FBXL17: variants seen among roughly 807,000 people sequenced by gnomAD.
FBXL17 encodes the protein F-box/LRR-repeat protein 17.
A neutral mutation model predicts 66.2 loss-of-function variants in FBXL17; 22 were observed. The ratio of observed to expected loss-of-function variants is 0.33; its 90% CI spans 0.24 to 0.47. The LOEUF is 0.47. Ranked by LOEUF, FBXL17 falls within the 20% of genes least tolerant of loss-of-function variation. The probability of loss-of-function intolerance (pLI) is 1.00; values close to 1 mark genes in which losing one functional copy is unlikely to be tolerated. For synonymous variants in FBXL17, 474 were observed against 400.5 expected, an observed-to-expected ratio of 1.18 and a Z score of -2.19; for missense variants, 878 against 948.2, an observed-to-expected ratio of 0.93 and a Z score of 0.97.
At chr5:108,223,256 G>T (rs183415818) in intron 5 of FBXL17, among the ~76,000 whole-genome samples, 2 of 152,188 alleles carry the variant, frequency 1.3e-5, no homozygotes, top group East Asian at 3.9e-4. Flanking sequence ...AGCTCAAAGA[G>T]ATCTGAAGAC....
intron 7 of FBXL17, among the ~76,000 whole-genome samples, chr5:107,931,429 T>C (rs1285384931): frequency 6.6e-6 from 1 of 151,912 alleles, no homozygotes; most frequent in Non-Finnish European, 1.5e-5. Flanking sequence ...CTGGCTAATT[T>C]TTTTGTATTT....
intron 6 of FBXL17, among the ~76,000 whole-genome samples, chr5:108,149,655 C>A (rs1304698435): frequency 6.6e-6 from 1 of 152,152 alleles, no homozygotes; most frequent in Non-Finnish European, 1.5e-5. Context: ...ACATTACATA[C>A]CAATCTTGGT....
chr5:108,140,025 T>C (rs1234670820), intron 6 of FBXL17, among the ~76,000 whole-genome samples: 1 of 152,150 alleles, frequency 6.6e-6, no homozygotes, highest in African/African-American at 2.4e-5. Context: ...TATTATAATC[T>C]GGGTTTAGTC....
intron 7 of FBXL17, among the ~76,000 whole-genome samples, chr5:107,910,760 G>A (rs1239355498): frequency 1.3e-5 from 2 of 151,922 alleles, no homozygotes; most frequent in Non-Finnish European, 2.9e-5. Context: ...ACAGTAGCAA[G>A]AACCAGTTAG....
intron 7 of FBXL17, among the ~76,000 whole-genome samples, chr5:107,893,541 C>T (rs1749271858): frequency 6.6e-6 from 1 of 152,188 alleles, no homozygotes; most frequent in South Asian, 2.1e-4. Context: ...TGAGAGCTTA[C>T]ATATTATATA....
At chr5:108,132,340 A>C (rs1174557653) in intron 6 of FBXL17, among the ~76,000 whole-genome samples, 1 of 152,224 alleles carries the variant, frequency 6.6e-6, no homozygotes, top group Admixed American at 6.5e-5. Flanking sequence ...AATCAAAATT[A>C]TCTCTTACAG....
At chr5:108,270,536 A>T (rs907076835) in intron 4 of FBXL17, among the ~76,000 whole-genome samples, 7 of 143,600 alleles carry the variant, frequency 4.9e-5, no homozygotes, top group East Asian at 2.0e-4. Flanking sequence ...TTAGGTTAAT[A>T]AAAAAAAAAA....
intron 4 of FBXL17, chr5:108,299,486 T>C (rs1294082308): frequency 2.1e-6 from 2 of 934,690 alleles, no homozygotes; most frequent in Non-Finnish European, 2.6e-6. Flanking sequence ...ATCTAAAAGT[T>C]ATTGAATAAG....
chr5:107,980,664 A>ATATTTTTTTTTTTTTTT, intron 7 of FBXL17, among the ~76,000 whole-genome samples: 2 of 62,104 alleles, frequency 3.2e-5, no homozygotes, highest in Non-Finnish European at 5.5e-5. Flanking sequence ...ATATATATAT[A>ATATTTTTTTTTTTTTTT]TTTTTTTTTT....
chr5:107,864,369 A>T (rs1463441457), intron 8 of FBXL17, among the ~76,000 whole-genome samples: 1 of 152,250 alleles, frequency 6.6e-6, no homozygotes, highest in Non-Finnish European at 1.5e-5. Flanking sequence ...AGCAAGGAAT[A>T]ACTTTTAGAA....
At chr5:108,011,086 G>T (rs551053241) in intron 7 of FBXL17, among the ~76,000 whole-genome samples, 1 of 152,132 alleles carries the variant, frequency 6.6e-6, no homozygotes, top group African/African-American at 2.4e-5. Flanking sequence ...TTATTTTAAT[G>T]TTAAATTTAT....
At chr5:107,926,152 T>C (rs1750517950) in intron 7 of FBXL17, among the ~76,000 whole-genome samples, 1 of 152,174 alleles carries the variant, frequency 6.6e-6, no homozygotes, top group African/African-American at 2.4e-5. Context: ...CCTAAACATA[T>C]CAGGCACTCA....
chr5:108,329,359 T>C (rs935306649), intron 4 of FBXL17, among the ~76,000 whole-genome samples: 2 of 152,132 alleles, frequency 1.3e-5, no homozygotes, highest in Non-Finnish European at 2.9e-5. Context: ...ACTTCTTTAA[T>C]AAAATTCACA....
chr5:108,083,218 A>AAC (rs756726228), intron 6 of FBXL17, among the ~76,000 whole-genome samples: 16,066 of 144,438 alleles, frequency 0.11, 925 homozygotes, highest in African/African-American at 0.14. Flanking sequence ...CTCACCTCAG[A>AAC]ACACACACAC....
chr5:108,130,251 AT>A (rs1468974044), intron 6 of FBXL17, among the ~76,000 whole-genome samples: 1 of 151,920 alleles, frequency 6.6e-6, no homozygotes, highest in African/African-American at 2.4e-5. Context: ...GAAAAAAAAA[AT>A]ATCCCTTTCA....
intron 7 of FBXL17, among the ~76,000 whole-genome samples, chr5:107,909,226 A>T (rs1232227432): frequency 1.3e-5 from 2 of 152,186 alleles, no homozygotes; most frequent in African/African-American, 2.4e-5. Flanking sequence ...ATTTAAGTGG[A>T]TTCTGAGTAC....
intron 7 of FBXL17, among the ~76,000 whole-genome samples, chr5:107,973,384 G>A (rs1580269501): frequency 7.8e-6 from 1 of 128,024 alleles, no homozygotes; most frequent in Non-Finnish European, 1.6e-5. Context: ...TTTGCTCATC[G>A]GTTATCAGTC....
At chr5:108,047,552 G>C (rs73206564) in intron 6 of FBXL17, among the ~76,000 whole-genome samples, 2,126 of 152,294 alleles carry the variant, frequency 0.014, 48 homozygotes, top group African/African-American at 0.048. Flanking sequence ...CTCCCTGGGT[G>C]GGGGAAGGAT....
intron 4 of FBXL17, among the ~76,000 whole-genome samples, chr5:108,286,056 A>C (rs1267520306): frequency 1.3e-5 from 2 of 151,998 alleles, no homozygotes; most frequent in African/African-American, 4.8e-5. Flanking sequence ...GATTATCTCA[A>C]TACATGCAGA....
Sources: allele counts gnomAD v4.1 joint callset (sites outside exome capture counted in the v4.1 genomes callset), GRCh38; gene constraint gnomAD v4.1.1; transcripts MANE v1.5; gene names NCBI Gene and HGNC (gene_info 2026-07-23, HGNC 2026-07-21).